CBR4: variants seen among roughly 807,000 people sequenced by gnomAD.
The protein encoded by CBR4 is 3-oxoacyl-[acyl-carrier-protein] reductase.
Under a neutral mutation model 21.0 loss-of-function variants are expected in CBR4, and 22 were observed. That is an observed-to-expected ratio of 1.05 (90% confidence interval 0.75 to 1.50). CBR4 has a LOEUF of 1.50. Ranked by LOEUF, CBR4 falls within the 40% of genes most tolerant of loss-of-function variation. CBR4 has a pLI of 0.00. For missense variants in CBR4, 302 were observed against 286.3 expected, an observed-to-expected ratio of 1.05 and a Z score of -0.40; for synonymous variants, 100 against 104.4, an observed-to-expected ratio of 0.96 and a Z score of 0.26.
At chr4:168,899,297 A>G (rs1582002655) in intron 2 of CBR4, among the ~76,000 whole-genome samples, 1 of 152,174 alleles carries the variant, frequency 6.6e-6, no homozygotes, top group Admixed American at 6.5e-5. Context: ...CTGGATAAGG[A>G]GCTGCCCTAT....
At chr4:168,924,129 T>C (rs1210861755) in intron 2 of CBR4, 2 of 790,888 alleles carry the variant, frequency 2.5e-6, no homozygotes, top group East Asian at 5.3e-5. Context: ...ACTAGCATCT[T>C]ACCACCTGGA....
rs59962690 is a variant in CBR4, at chr4:168,956,597, C to CAAAA, written n.169+45470_169+45473dup. On this transcript the variant is annotated intron_variant and non_coding_transcript_variant, in intron 2 of 3. Transcript: ENST00000509108. ...TGGGCGACACAGCCAGACCCTGTCT[C>CAAAA]AAAAAAAAAAAAAAAAAAAAAAAAA... 2.0e-3 allele frequency among the ~76,000 whole-genome samples: 58 copies of CAAAA among 29,706 alleles called. 1 individual carries two copies. The highest frequency in any genetic ancestry group is 5.4e-3 in the East Asian group (3 of 560). The allele number at this position is 29,706 out of a possible 152,430, so 19.5% of individuals were successfully genotyped here.
intron 2 of CBR4, among the ~76,000 whole-genome samples, chr4:168,904,695 T>A (rs1342403236): frequency 3.3e-5 from 5 of 152,162 alleles, no homozygotes; most frequent in African/African-American, 9.7e-5. Flanking sequence ...AAAGGCATGG[T>A]AAAATGAGCA....
chr4:168,940,845 G>A (rs1763243725), intron 2 of CBR4, among the ~76,000 whole-genome samples: 1 of 152,230 alleles, frequency 6.6e-6, no homozygotes, highest in Non-Finnish European at 1.5e-5. Flanking sequence ...GTGTAAATTA[G>A]TTCAACCATT....
rs112585259 is a variant in CBR4, at chr4:168,976,146, C to T, written n.169+25925G>A. 1.0e-3 allele frequency among the ~76,000 whole-genome samples: 156 copies of T among 152,270 alleles called. 1 individual carries two copies. Among genetic ancestry groups the T allele is most frequent in the African/African-American group, 3.4e-3 (140 of 41,550 alleles). On this transcript the variant is annotated intron_variant and non_coding_transcript_variant, in intron 2 of 3. Transcript: ENST00000509108. ...CCCAGATGCTACTCAGGGAAGTTCA[C>T]GCTTAGTCAAAATTATCACAAAATT...
chr4:168,989,423 T>C lies in CBR4; in HGVS notation c.*727A>G, dbSNP rs1764808647. 2 of 985,322 alleles carry C rather than the reference T, an allele frequency of 2.0e-6. No individual in the cohort carries two copies. The highest frequency in any genetic ancestry group is 3.5e-5 in the African/African-American group (2 of 57,244). The allele number at this position is 985,322 out of a possible 1,614,324, so 61.0% of individuals were successfully genotyped here. On this transcript the variant is annotated 3_prime_UTR_variant, in exon 5 of 5. Transcript: ENST00000306193. Reference sequence around the variant, plus strand: ...ATTTAAATTTGCAGATTATTTTGTCTAGCTGCTCAATCAAGAGAAATACCA... The same window carrying C: ...ATTTAAATTTGCAGATTATTTTGTCCAGCTGCTCAATCAAGAGAAATACCA...
intron 2 of CBR4, among the ~76,000 whole-genome samples, chr4:168,936,051 G>A (rs551633025): frequency 1.3e-5 from 2 of 152,316 alleles, no homozygotes; most frequent in South Asian, 4.1e-4. Context: ...CATCTGGTGG[G>A]TGCCCCTCTG....
chr4:168,894,866 C>A, intron 2 of CBR4: 1 of 856,472 alleles, frequency 1.2e-6, no homozygotes, highest in Non-Finnish European at 1.8e-6. Context: ...AAGTGACTGA[C>A]AGAATTCTTT....
At chr4:168,964,413 G>A (rs943792492) in intron 2 of CBR4, among the ~76,000 whole-genome samples, 14 of 152,082 alleles carry the variant, frequency 9.2e-5, no homozygotes, top group African/African-American at 3.1e-4. Context: ...ACCTTCAATC[G>A]AAACACACAA....
intron 2 of CBR4, chr4:168,928,362 T>G (rs1320341203): frequency 1.1e-5 from 2 of 182,922 alleles, no homozygotes; most frequent in African/African-American, 4.7e-5. Context: ...CATACTACTT[T>G]GGATTGTTGT....
chr4:168,914,431 C>A (rs976042108), intron 2 of CBR4, among the ~76,000 whole-genome samples: 1 of 152,186 alleles, frequency 6.6e-6, no homozygotes, highest in Non-Finnish European at 1.5e-5. Flanking sequence ...AAAATCAGCT[C>A]ATTTGTTAAT....
At chr4:168,925,155 C>T in intron 2 of CBR4, 1 of 1,584,252 alleles carries the variant, frequency 6.3e-7, no homozygotes. Flanking sequence ...CAGCAAATCA[C>T]ATTACTCTTT....
chr4:168,896,493 C>T, intron 2 of CBR4: 1 of 1,011,448 alleles, frequency 9.9e-7, no homozygotes, highest in Non-Finnish European at 1.5e-6. Context: ...AGAAATCTTG[C>T]TGCATTCTTA....
intron 2 of CBR4, among the ~76,000 whole-genome samples, chr4:168,943,254 G>A: frequency 6.6e-6 from 1 of 152,172 alleles, no homozygotes; most frequent in East Asian, 1.9e-4. Flanking sequence ...ACTGGAGAAT[G>A]AGACAAGCTT....
At chr4:168,901,839 G>T (rs755215409) in intron 2 of CBR4, among the ~76,000 whole-genome samples, 5 of 152,110 alleles carry the variant, frequency 3.3e-5, no homozygotes, top group Non-Finnish European at 7.3e-5. Flanking sequence ...TAGCCTGGGG[G>T]ACAGAGCTAG....
intron 1 of CBR4, among the ~76,000 whole-genome samples, 189 bp from the exon 2 acceptor site, chr4:169,007,945 G>A (rs549853876): frequency 4.2e-4 from 64 of 152,204 alleles, no homozygotes; most frequent in African/African-American, 1.3e-3. Context: ...GGAACAAAGA[G>A]GAAATAAAGT....
intron 2 of CBR4, chr4:168,927,771 GACTTGATGGTTTTAAGTCGGA>G (rs1359012109): frequency 4.5e-6 from 1 of 220,794 alleles, no homozygotes; most frequent in Non-Finnish European, 9.1e-6. Context: ...ATTCTGACCA[GACTTGATGGTTTTAAGTCGGA>G]ACCGATAAAT....
intron 2 of CBR4, among the ~76,000 whole-genome samples, chr4:168,973,859 T>A (rs933577696): frequency 6.6e-6 from 1 of 152,246 alleles, no homozygotes; most frequent in Non-Finnish European, 1.5e-5. Context: ...TCTTGAATGA[T>A]CTTTATCCAT....
At chr4:168,951,274 G>A (rs1263599319) in intron 2 of CBR4, among the ~76,000 whole-genome samples, 1 of 152,098 alleles carries the variant, frequency 6.6e-6, no homozygotes, top group Non-Finnish European at 1.5e-5. Context: ...GGCCACAATG[G>A]TCTCGATCTC....
Sources: allele counts gnomAD v4.1 joint callset (sites outside exome capture counted in the v4.1 genomes callset), GRCh38; gene constraint gnomAD v4.1.1; transcripts MANE v1.5; gene names NCBI Gene and HGNC (gene_info 2026-07-23, HGNC 2026-07-21).